Variants in NDRG1 observed in about 807,000 individuals in gnomAD.
NDRG1 encodes N-myc downstream regulated 1, also known as protein NDRG1.
NDRG1 carries 32 observed loss-of-function variants against 56.9 expected under a neutral mutation model. That is an observed-to-expected ratio of 0.56 (90% CI 0.42 to 0.76). The LOEUF (loss-of-function observed/expected upper bound fraction) is 0.76. Ranked by LOEUF, NDRG1 falls within the 30% of genes least tolerant of loss-of-function variation. The pLI, the probability that NDRG1 is intolerant of heterozygous loss-of-function variation, is 0.00. For synonymous variants in NDRG1, 211 were observed against 204.1 expected (o/e 1.03, Z -0.29); for missense variants, 507 against 545.7 (o/e 0.93, Z 0.71).
At chr8:133,273,500 A>C (rs1184930147) in intron 3 of NDRG1, among the ~76,000 whole-genome samples, 1 of 151,742 alleles carries the variant, frequency 6.6e-6, no homozygotes. Flanking sequence ...ATAGATGGCA[A>C]GGATACCTCC....
intron 9 of NDRG1, among the ~76,000 whole-genome samples, chr8:133,251,570 T>C (rs1020421523): frequency 1.3e-5 from 2 of 152,190 alleles, no homozygotes; most frequent in African/African-American, 4.8e-5. Context: ...ACATCCCTCC[T>C]CCAGTGAAAC....
At chr8:133,278,137 C>T (rs1272354478) in intron 3 of NDRG1, among the ~76,000 whole-genome samples, 1 of 152,146 alleles carries the variant, frequency 6.6e-6, no homozygotes, top group Admixed American at 6.5e-5. Flanking sequence ...GTGGCCCGGC[C>T]CATCCCTGAA....
At chr8:133,258,546 T>C in intron 6 of NDRG1, 120 bp from the exon 7 acceptor site, 1 of 940,824 alleles carries the variant, frequency 1.1e-6, no homozygotes, top group Non-Finnish European at 1.7e-6. Flanking sequence ...CATGCTGCCG[T>C]AACTGCCTGC....
intron 1 of NDRG1, among the ~76,000 whole-genome samples, chr8:133,289,899 CTT>C (rs1858336731): frequency 6.6e-6 from 1 of 152,186 alleles, no homozygotes; most frequent in Non-Finnish European, 1.5e-5. Context: ...CTCTCTGGGC[CTT>C]GGTTTCTCCA....
chr8:133,253,921 T>C (rs1228905089), intron 9 of NDRG1, among the ~76,000 whole-genome samples: 1 of 151,478 alleles, frequency 6.6e-6, no homozygotes, highest in African/African-American at 2.4e-5. Flanking sequence ...AGGCTGGTCT[T>C]GAACTCCTGG....
intron 7 of NDRG1, among the ~76,000 whole-genome samples, chr8:133,257,312 C>CACAT (rs1351890701): frequency 1.8e-5 from 2 of 113,554 alleles, no homozygotes; most frequent in Non-Finnish European, 3.8e-5. Flanking sequence ...CACACACACA[C>CACAT]ACACAGAGAG....
chr8:133,247,435 C>T (rs574862369), intron 12 of NDRG1, among the ~76,000 whole-genome samples: 1 of 152,366 alleles, frequency 6.6e-6, no homozygotes, highest in Admixed American at 6.5e-5. Flanking sequence ...TTTGCTGCCA[C>T]AAAGTTGCAG....
intron 13 of NDRG1, 142 bp from the exon 14 acceptor site, chr8:133,244,532 C>A (rs975769466): frequency 4.1e-6 from 4 of 964,764 alleles, no homozygotes; most frequent in African/African-American, 3.2e-5. Context: ...CAGGGTGGAC[C>A]GTGGGTAGGG....
chr8:133,250,519 C>T lies in NDRG1; in HGVS notation c.619G>A (p.Val207Met). The T allele has an allele frequency of 6.2e-7, 1 of 1,614,090 alleles. No homozygotes were observed. The highest frequency in any genetic ancestry group is 1.7e-5 in the Admixed American group (1 of 60,026). The change falls in exon 10 of 16, where the codon GTG becomes ATG. Residue 207 changes from valine (V) to methionine (M), a missense_variant. Val to Met is a conservative substitution (Grantham distance 21). Coordinates refer to ENST00000323851, the MANE Select transcript of NDRG1 (RefSeq NM_006096.4). Reference sequence around the variant, plus strand: ...ATGTGCTGGCGGTAGGTGTGGACCACTTCCACGTTACTCTGCATTTCTTCC... The same window carrying T: ...ATGTGCTGGCGGTAGGTGTGGACCATTTCCACGTTACTCTGCATTTCTTCC... ...GKEEMQSNVE[V>M]VHTYRQHIVN...
At chr8:133,277,773 G>C (rs961495917) in intron 3 of NDRG1, among the ~76,000 whole-genome samples, 12 of 152,232 alleles carry the variant, frequency 7.9e-5, no homozygotes, top group African/African-American at 2.9e-4. Flanking sequence ...TGTGATGTTT[G>C]GCCCGGCACT....
At chr8:133,291,600 GAC>G (rs1858433122) in intron 1 of NDRG1, among the ~76,000 whole-genome samples, 1 of 152,124 alleles carries the variant, frequency 6.6e-6, no homozygotes, top group Admixed American at 6.5e-5. Flanking sequence ...GGATTCACTG[GAC>G]CTTCAAGAAA....
intron 1 of NDRG1, among the ~76,000 whole-genome samples, chr8:133,290,864 T>C (rs71526283): frequency 0.033 from 5,003 of 152,280 alleles, 127 homozygotes; most frequent in African/African-American, 0.058. Flanking sequence ...GCACACTGTT[T>C]CACTTGCTCC....
chr8:133,262,923 G>A (rs550309562), intron 4 of NDRG1, among the ~76,000 whole-genome samples: 1 of 152,322 alleles, frequency 6.6e-6, no homozygotes, highest in South Asian at 2.1e-4. Context: ...AAACCCACAA[G>A]CTAGAAGGAG....
chr8:133,276,817 T>C (rs1436496471), intron 3 of NDRG1, among the ~76,000 whole-genome samples: 2 of 152,214 alleles, frequency 1.3e-5, no homozygotes, highest in Admixed American at 1.3e-4. Context: ...GACTGATACC[T>C]CTAGCAATTC....
At chr8:133,259,344 C>G (rs1856547667) in intron 5 of NDRG1, 114 bp from the exon 6 acceptor site, 3 of 986,442 alleles carry the variant, frequency 3.0e-6, no homozygotes, top group Admixed American at 1.8e-5. Flanking sequence ...TGCACCCAGA[C>G]CCCCCCACCC....
intron 2 of NDRG1, 113 bp downstream of exon 2, chr8:133,284,135 TG>T: frequency 6.5e-6 from 6 of 920,340 alleles, no homozygotes; most frequent in Non-Finnish European, 1.1e-5. Context: ...TGTATACATG[TG>T]TATTTGTGCA....
chr8:133,291,231 T>G (rs1858411317), intron 1 of NDRG1, among the ~76,000 whole-genome samples: 1 of 152,238 alleles, frequency 6.6e-6, no homozygotes, highest in South Asian at 2.1e-4. Flanking sequence ...CAGTGTTCTC[T>G]CCAGCACATT....
chr8:133,244,635 C>A lies in NDRG1; in HGVS notation c.856-245G>T, dbSNP rs56273899. 0.11 allele frequency: 64,108 copies of A among 598,024 alleles called. 3,906 individuals are homozygous for A. The highest frequency in any genetic ancestry group is 0.15 in the Middle Eastern group (337 of 2,242). 37.0% of individuals were successfully genotyped at this position (598,024 alleles called of 1,614,324 possible). On this transcript the variant is annotated intron_variant, in intron 13 of 15. Transcript: ENST00000323851. ...GTGCCAGGCACTATGCTAGGCCCTA[C>A]AGATAATTTCACTCCATTCCCCAAG...
At position 133,246,659 on chromosome 8, in the gene NDRG1, T is replaced by C. The variant is rs1318328107; in HGVS notation, c.812A>G (p.Glu271Gly). ...DSSPAVDAVVECNSKLDPTKT... is the reference protein window; with the variant it reads ...DSSPAVDAVVGCNSKLDPTKT... The stretch of plus-strand genomic sequence containing the variant: ...TGTTGGGTCCAATTTTGAGTTGCAC[T>C]CCACCTGCACAAGAGGGAGGAAATC... The change falls in exon 13 of 16, where the codon GAG (glutamate) becomes GGG (glycine). Residue 271 changes from glutamate (E) to glycine (G), a missense_variant. By Grantham distance (98) the Glu-to-Gly change is moderately conservative. Coordinates refer to ENST00000323851, the MANE Select transcript of NDRG1 (RefSeq NM_006096.4). The C allele has an allele frequency of 4.3e-6, 7 of 1,614,172 alleles. No homozygotes were observed. Among genetic ancestry groups the C allele is most frequent in the Middle Eastern group, 3.3e-4 (2 of 6,062 alleles).
Sources: allele counts gnomAD v4.1 joint callset (sites outside exome capture counted in the v4.1 genomes callset), GRCh38; gene constraint gnomAD v4.1.1; transcripts MANE v1.5; gene names NCBI Gene and HGNC (gene_info 2026-07-23, HGNC 2026-07-21).